The following CHD1 variants were observed in gnomAD, a reference collection of about 807,000 sequenced individuals.
CHD1 encodes the protein ATP-dependent chromatin remodeler CHD1.
CHD1 carries 36 observed loss-of-function variants against 224.2 expected under a neutral mutation model. The ratio of observed to expected loss-of-function variants is 0.16; its 90% confidence interval spans 0.12 to 0.21. The LOEUF (loss-of-function observed/expected upper bound fraction) is 0.21, where lower values mean the gene tolerates loss of function less well. CHD1 is among the 10% of genes least tolerant of loss of function. The pLI is 1.00. For missense variants in CHD1, 1,378 were observed against 1,994.8 expected, an observed-to-expected ratio of 0.69 and a Z score of 5.89; for synonymous variants, 668 against 658.3, an observed-to-expected ratio of 1.01 and a Z score of -0.23.
At chr5:98,878,868 T>A (rs1749961251) in intron 23 of CHD1, among the ~76,000 whole-genome samples, 1 of 152,086 alleles carries the variant, frequency 6.6e-6, no homozygotes, top group South Asian at 2.1e-4. Context: ...TAAAGAAAAA[T>A]TTGTAGCATT....
At position 98,907,588 on chromosome 5, in the gene CHD1, C is replaced by CAAA. The variant is rs34839165; in HGVS notation, c.54-2493_54-2491dup. On this transcript the variant is annotated intron_variant, in intron 2 of 35. Coordinates refer to ENST00000614616, the MANE Select transcript of CHD1 (RefSeq NM_001270.4). ...GGGCAACAAGAGCAAAACTCCATCT[C>CAAA]AAAAAAAAAAAAAAAAAAGCAAAAA... is the stretch of plus-strand genomic sequence containing the variant. 5.5e-3 allele frequency among the ~76,000 whole-genome samples: 485 copies of CAAA among 87,416 alleles called. 13 individuals are homozygous for CAAA. Among genetic ancestry groups the CAAA allele is most frequent in the African/African-American group, 0.017 (417 of 24,546 alleles). 57.3% of individuals were successfully genotyped at this position (87,416 alleles called of 152,430 possible).
At position 98,888,298 on chromosome 5, in the gene CHD1, G is replaced by A. The variant is rs185114548; in HGVS notation, c.2344-58C>T. The A allele has an allele frequency of 7.3e-5, 88 of 1,210,970 alleles. 2 individuals carry two copies. In the East Asian group the frequency reaches 1.5e-3, roughly 21 times the overall value. The allele number at this position is 1,210,970 out of a possible 1,614,324, so 75.0% of individuals were successfully genotyped here. ...AAGACATAAATGGTAAGTTGTCCAC[G>A]TAACACTTTAGTTGCCTGAATTATT... On this transcript the variant is annotated intron_variant, in intron 16 of 35. Coordinates refer to ENST00000614616, the MANE Select transcript of CHD1 (RefSeq NM_001270.4).
intron 26 of CHD1, among the ~76,000 whole-genome samples, 199 bp from the exon 27 acceptor site, chr5:98,872,754 AG>A (rs1368252493): frequency 6.6e-6 from 1 of 152,178 alleles, no homozygotes; most frequent in Admixed American, 6.5e-5. Context: ...ATTCACGAAA[AG>A]TATTTCTCTA....
chr5:98,868,479 A>G lies in CHD1; in HGVS notation c.4248+16T>C. The G allele has an allele frequency of 2.5e-6, 4 of 1,588,390 alleles. No individual in the cohort carries two copies. Among genetic ancestry groups the G allele is most frequent in the Non-Finnish European group, 3.4e-6 (4 of 1,173,594 alleles). Reference sequence around the variant, plus strand: ...TTTATGAGTTAATACTAATAATCAGAAAGTCTAAGGCTTACAATGCTGAAT... The same window carrying G: ...TTTATGAGTTAATACTAATAATCAGGAAGTCTAAGGCTTACAATGCTGAAT... On this transcript the variant is annotated intron_variant, in intron 31 of 35. Transcript: ENST00000614616.
chr5:98,883,372 T>G, intron 18 of CHD1, 135 bp from the exon 19 acceptor site: 1 of 489,084 alleles, frequency 2.0e-6, no homozygotes, highest in Non-Finnish European at 3.6e-6. Flanking sequence ...ACAAAAAGAC[T>G]CCAAAATCAA....
rs200221422 is a variant in CHD1 at position 98,856,740 on chromosome 5, T to C, written c.4788-15A>G. On this transcript the variant is annotated splice_polypyrimidine_tract_variant and intron_variant, in intron 35 of 35. Transcript: ENST00000614616. ...CACTGTAATATCTAATAAAGAAAAATTGAGAATTTTAGACAAATCATGCAA... is the reference window on the plus strand; with the variant it reads ...CACTGTAATATCTAATAAAGAAAAACTGAGAATTTTAGACAAATCATGCAA... 1.2e-4 allele frequency: 186 copies of C among 1,499,390 alleles called. No homozygotes were observed. Among genetic ancestry groups the C allele is most frequent in the Non-Finnish European group, 1.4e-4 (150 of 1,098,128 alleles). The allele number at this position is 1,499,390 out of a possible 1,614,324, so 92.9% of individuals were successfully genotyped here.
intron 30 of CHD1, chr5:98,869,115 T>G (rs766858767): frequency 6.3e-5 from 59 of 933,514 alleles, no homozygotes; most frequent in Non-Finnish European, 7.5e-5. Context: ...TTATCCTCTT[T>G]TTCTTTTATC....
chr5:98,893,620 A>G lies in CHD1; in HGVS notation c.1801-14T>C. The G allele has an allele frequency of 1.3e-6, 2 of 1,506,402 alleles. No homozygotes were observed. The highest frequency in any genetic ancestry group is 1.3e-5 in the South Asian group (1 of 77,036). 93.3% of individuals were successfully genotyped at this position (1,506,402 alleles called of 1,614,324 possible). A position where few individuals can be genotyped will look rare whatever the true frequency, so the allele number is the denominator to read the frequency against. ...TCCAAGGAATGCCTTAAAATAATAG[A>G]AAAACAGTATTTTGAGAGAAAAACG... On this transcript the variant is annotated splice_polypyrimidine_tract_variant and intron_variant, in intron 13 of 35. Transcript: ENST00000614616.
chr5:98,912,311 A>G (rs1203260001), intron 2 of CHD1, among the ~76,000 whole-genome samples: 1 of 152,210 alleles, frequency 6.6e-6, no homozygotes, highest in Non-Finnish European at 1.5e-5. Context: ...CTAGGCCAAC[A>G]GAAATAAAAT....
At chr5:98,912,101 G>A (rs551933118) in intron 2 of CHD1, among the ~76,000 whole-genome samples, 1 of 152,120 alleles carries the variant, frequency 6.6e-6, no homozygotes, top group Non-Finnish European at 1.5e-5. Flanking sequence ...TAAGAGGTGT[G>A]ATTTCTGCAA....
chr5:98,898,637 GTT>G, intron 9 of CHD1, 25 bp downstream of exon 9: 1 of 1,396,036 alleles, frequency 7.2e-7, no homozygotes, highest in Non-Finnish European at 1.0e-6. Context: ...TAAAAAGAAA[GTT>G]TAACTAGAAT....
At position 98,881,485 on chromosome 5, in the gene CHD1, A is replaced by C. The variant is rs1750183292; in HGVS notation, c.2868-110T>G. ...TCACCTTTACAACAGTTACATGAAG[A>C]AGTTAGACAAATCAAGTATTAGAAT... On this transcript the variant is annotated intron_variant, in intron 20 of 35. Coordinates refer to ENST00000614616, the MANE Select transcript of CHD1 (RefSeq NM_001270.4). The C allele has an allele frequency of 5.3e-6, 3 of 561,970 alleles. No individual in the cohort carries two copies. The South Asian group carries it at 9.1e-5, about 17-fold the overall frequency. The allele number at this position is 561,970 out of a possible 1,614,324, so 34.8% of individuals were successfully genotyped here.
chr5:98,898,804 C>CTTTTTTTTTAAGAATAGA, intron 8 of CHD1, 40 bp from the exon 9 acceptor site: 1 of 1,112,604 alleles, frequency 9.0e-7, no homozygotes, highest in Non-Finnish European at 1.4e-6. Context: ...TAAAAATCTC[C>CTTTTTTTTTAAGAATAGA]CATAAATAAC....
At chr5:98,916,320 T>C (rs1752728406) in intron 2 of CHD1, among the ~76,000 whole-genome samples, 1 of 151,990 alleles carries the variant, frequency 6.6e-6, no homozygotes, top group South Asian at 2.1e-4. Context: ...CCAAGGCAGG[T>C]GGACCACCTG....
chr5:98,870,620 G>T, intron 29 of CHD1, 67 bp downstream of exon 29: 7 of 789,280 alleles, frequency 8.9e-6, no homozygotes, highest in South Asian at 1.8e-5. Flanking sequence ...TGTTTAGCAT[G>T]GTGAAGTAAA....
intron 2 of CHD1, among the ~76,000 whole-genome samples, chr5:98,912,365 AAC>A (rs1752478723): frequency 6.6e-6 from 1 of 152,208 alleles, no homozygotes; most frequent in Non-Finnish European, 1.5e-5. Context: ...GATAAAAATG[AAC>A]ATTAAAGAAG....
Position 98,856,504 on chromosome 5 carries a change from G to A in CHD1, c.5009C>T (p.Ala1670Val). 6.2e-7 allele frequency: 1 copy of A among 1,613,782 alleles called. No homozygotes were observed. Residue 1670 changes from alanine (A) to valine (V), a missense_variant, in exon 36 of 36, where the codon GCT (alanine) becomes GTT (valine). This residue lies in a region of CHD1 where 278 missense variants were observed against 298.5 expected (regional missense o/e 0.93). Transcript: ENST00000614616. ...TGGTGACCTAGGGCCACTGCTGGAAGCTCTGTGGTCCATTTGCCAGTCTGA... is the reference window on the plus strand; with the variant it reads ...TGGTGACCTAGGGCCACTGCTGGAAACTCTGTGGTCCATTTGCCAGTCTGA... ...YHSDWQMDHR[A>V]SSSGPRSPLD...
chr5:98,867,928 G>A (rs937342889), intron 31 of CHD1, among the ~76,000 whole-genome samples: 4 of 148,268 alleles, frequency 2.7e-5, no homozygotes, highest in Non-Finnish European at 4.4e-5. Context: ...TCAGCCTCCC[G>A]AGTAGCTGAG....
rs765892094 is a variant in CHD1 at position 98,896,307 on chromosome 5, A to G, written c.1629T>C (p.Thr543=). ...AAGTCTGAATTTCCCTTTGCCAGGA[A>G]GTAAGAGTGGAGAGCGGTACTACCA... ...FLLVVPLSTL[T]SWQREIQTWA... The change falls in exon 12 of 36, where the codon ACT becomes ACC. Residue 543 remains threonine (T), a synonymous_variant. Coordinates refer to ENST00000614616, the MANE Select transcript of CHD1 (RefSeq NM_001270.4). 8 of 1,614,060 alleles carry G rather than the reference A, an allele frequency of 5.0e-6. No homozygotes were observed. In the African/African-American group the frequency reaches 1.1e-4, roughly 22 times the overall value.
Sources: allele counts gnomAD v4.1 joint callset (sites outside exome capture counted in the v4.1 genomes callset), GRCh38; gene constraint gnomAD v4.1.1; regional missense constraint gnomAD v4.1.1; transcripts MANE v1.5; gene names NCBI Gene and HGNC (gene_info 2026-07-23, HGNC 2026-07-21).